The following RARRES1 variants were observed in gnomAD, a reference collection of about 807,000 sequenced individuals.
The protein encoded by RARRES1 is retinoic acid receptor responder protein 1.
In RARRES1, 34 loss-of-function variants were observed where a neutral mutation model predicts 30.6. The ratio of observed to expected loss-of-function variants is 1.11; its 90% CI spans 0.84 to 1.48. The LOEUF is 1.48. Ranked by LOEUF, RARRES1 falls within the 40% of genes most tolerant of loss-of-function variation. The pLI, the probability that RARRES1 is intolerant of heterozygous loss-of-function variation, is 0.00. For missense variants in RARRES1, 373 were observed against 386.5 expected (o/e 0.97, Z 0.29); for synonymous variants, 153 against 155.5 (o/e 0.98, Z 0.12).
chr3:158,732,371 G>C lies in RARRES1; in HGVS notation c.45C>G (p.Pro15=), dbSNP rs574311595. ...GCGGGGCGGTGGGGCGCGGGCCCCT[G>C]GGCCCGGACCAGGGAGCAGGCAGCC... The part of the protein sequence containing the change: ...RQRLPAPWSG[P]RGPRPTAPLL... The change falls in exon 1 of 6, where the codon CCC becomes CCG. Residue 15 remains proline, a synonymous_variant. Coordinates refer to ENST00000237696, the MANE Select transcript of RARRES1 (RefSeq NM_206963.2). 6.7e-7 allele frequency: 1 copy of C among 1,486,006 alleles called. No homozygotes were observed. The highest frequency in any genetic ancestry group is 2.2e-5 in the Admixed American group (1 of 45,182). The allele number at this position is 1,486,006 out of a possible 1,614,324, so 92.1% of individuals were successfully genotyped here. A position where few individuals can be genotyped will look rare whatever the true frequency, so the allele number is the denominator to read the frequency against.
chr3:158,714,859 T>A (rs1257013733), intron 1 of RARRES1, among the ~76,000 whole-genome samples: 2 of 152,250 alleles, frequency 1.3e-5, no homozygotes, highest in African/African-American at 4.8e-5. Flanking sequence ...CTTTGCATCT[T>A]AGCGTAGCAA....
chr3:158,713,671 A>G lies in RARRES1; in HGVS notation c.339+126T>C, dbSNP rs557235124. 1.4e-5 allele frequency: 12 copies of G among 883,096 alleles called. No individual in the cohort carries two copies. In the South Asian group the frequency reaches 1.6e-4, roughly 11 times the overall value. The allele number at this position is 883,096 out of a possible 1,614,324, so 54.7% of individuals were successfully genotyped here. On this transcript the variant is annotated intron_variant, in intron 2 of 5. Transcript: ENST00000237696. ...TGTTCTTTAGTTCTTGATAACAAAT[A>G]GGAAACAGATCAGGAAAAAACAAAA...
At chr3:158,724,389 G>T (rs1401662720) in intron 1 of RARRES1, among the ~76,000 whole-genome samples, 1 of 152,186 alleles carries the variant, frequency 6.6e-6, no homozygotes, top group Non-Finnish European at 1.5e-5. Flanking sequence ...CTTGAGATGG[G>T]ATTATCCTGG....
chr3:158,725,946 G>A (rs1727670491), intron 1 of RARRES1, among the ~76,000 whole-genome samples: 1 of 152,186 alleles, frequency 6.6e-6, no homozygotes, highest in South Asian at 2.1e-4. Flanking sequence ...TTTCAGAATT[G>A]TTATGTTTCA....
At chr3:158,701,874 G>A (rs1189694370) in intron 4 of RARRES1, among the ~76,000 whole-genome samples, 2 of 151,364 alleles carry the variant, frequency 1.3e-5, no homozygotes, top group African/African-American at 4.8e-5. Flanking sequence ...CCGTTTGTGA[G>A]TCCTCATTTA....
At chr3:158,724,842 T>C (rs1053709854) in intron 1 of RARRES1, among the ~76,000 whole-genome samples, 1 of 151,852 alleles carries the variant, frequency 6.6e-6, no homozygotes, top group African/African-American at 2.4e-5. Flanking sequence ...TTTTTTTTTT[T>C]CCAGACAGGG....
intron 4 of RARRES1, among the ~76,000 whole-genome samples, chr3:158,703,323 T>C (rs547158036): frequency 6.6e-6 from 1 of 152,284 alleles, no homozygotes; most frequent in East Asian, 1.9e-4. Flanking sequence ...ATAGTAACTC[T>C]AACAACTTTT....
intron 1 of RARRES1, among the ~76,000 whole-genome samples, chr3:158,717,488 G>A (rs1330131933): frequency 2.6e-5 from 4 of 152,230 alleles, no homozygotes; most frequent in African/African-American, 9.6e-5. Context: ...GAGGAGAGCT[G>A]GCAAGGGCCT....
intron 4 of RARRES1, among the ~76,000 whole-genome samples, chr3:158,704,227 T>A (rs2108132292): frequency 8.5e-6 from 1 of 117,170 alleles, no homozygotes; most frequent in Middle Eastern, 4.1e-3. Flanking sequence ...TTTTTTTTTT[T>A]TTTTTTTTTT....
intron 1 of RARRES1, among the ~76,000 whole-genome samples, chr3:158,729,541 C>T (rs926964282): frequency 2.6e-5 from 4 of 152,006 alleles, no homozygotes; most frequent in African/African-American, 9.7e-5. Flanking sequence ...ACCTCTGCCT[C>T]CCGGGTTCAA....
chr3:158,724,907 G>A (rs1319488000), intron 1 of RARRES1, among the ~76,000 whole-genome samples: 1 of 151,804 alleles, frequency 6.6e-6, no homozygotes, highest in South Asian at 2.1e-4. Context: ...GCTCACTGCA[G>A]CCTCAACTTT....
intron 1 of RARRES1, among the ~76,000 whole-genome samples, 166 bp downstream of exon 1, chr3:158,731,974 C>T (rs966049583): frequency 6.6e-6 from 1 of 152,208 alleles, no homozygotes; most frequent in Admixed American, 6.5e-5. Context: ...CCCTGGGATA[C>T]TTCAGGGGCG....
rs79659233 is a variant in RARRES1, at chr3:158,723,725, C to T, written c.276+8415G>A. 5.3e-3 allele frequency among the ~76,000 whole-genome samples: 809 copies of T among 152,276 alleles called. 19 individuals carry two copies. In the East Asian group the frequency reaches 0.071, roughly 13 times the overall value. On this transcript the variant is annotated intron_variant, in intron 1 of 5. Transcript: ENST00000237696. This position sits in a 1 kb window ranked among gnomAD's most constrained non-coding sequence, Gnocchi z 4.4. The stretch of plus-strand genomic sequence containing the variant: ...AGTGGCCAGAGGCAGCTGCCCCCTC[C>T]AGGTCCCCTCTGGCCTCAGGTGGGG...
At chr3:158,698,130 T>C in intron 4 of RARRES1, 160 bp from the exon 5 acceptor site, 1 of 586,160 alleles carries the variant, frequency 1.7e-6, no homozygotes, top group Non-Finnish European at 3.1e-6. Flanking sequence ...GATATGGAAG[T>C]CATGGATCCT....
chr3:158,709,901 T>A (rs1306111102), intron 3 of RARRES1, among the ~76,000 whole-genome samples: 3 of 152,244 alleles, frequency 2.0e-5, no homozygotes, highest in African/African-American at 7.2e-5. Flanking sequence ...GGCTCCTTTG[T>A]TGGAGACAGC....
rs144278493 is a variant in RARRES1 at position 158,723,692 on chromosome 3, C to T, written c.276+8448G>A. 2.8e-4 allele frequency among the ~76,000 whole-genome samples: 43 copies of T among 152,272 alleles called. 1 individual carries two copies. In the East Asian group the frequency reaches 5.6e-3, roughly 20 times the overall value. On this transcript the variant is annotated intron_variant, in intron 1 of 5. Transcript: ENST00000237696. This position sits in a 1 kb window ranked among gnomAD's most constrained non-coding sequence, Gnocchi z 4.4. Reference sequence around the variant, plus strand: ...CACGTTCTTGATTTGGGGTAGGAAGCGAGTGGAAGTGGCCAGAGGCAGCTG... The same window carrying T: ...CACGTTCTTGATTTGGGGTAGGAAGTGAGTGGAAGTGGCCAGAGGCAGCTG...
intron 3 of RARRES1, 77 bp from the exon 4 acceptor site, chr3:158,705,004 G>C: frequency 1.3e-6 from 2 of 1,539,832 alleles, no homozygotes; most frequent in Non-Finnish European, 1.7e-6. Flanking sequence ...AAATGAAATA[G>C]GGTTTAAACT....
At chr3:158,711,620 T>A (rs1193936797) in intron 2 of RARRES1, among the ~76,000 whole-genome samples, 1 of 150,870 alleles carries the variant, frequency 6.6e-6, no homozygotes, top group Non-Finnish European at 1.5e-5. Context: ...TTTTTTTTTT[T>A]TGAGATGGAG....
intron 1 of RARRES1, among the ~76,000 whole-genome samples, chr3:158,716,870 C>T (rs1012841512): frequency 1.3e-5 from 2 of 152,234 alleles, no homozygotes; most frequent in Non-Finnish European, 2.9e-5. Context: ...AGGCGTGACT[C>T]ACTGCGCCTG....
Sources: gnomAD v4.1 joint callset for allele counts (sites outside exome capture counted in the v4.1 genomes callset) on GRCh38, gnomAD v4.1.1 for gene constraint, Gnocchi (gnomAD v3.1) non-coding constraint, MANE v1.5 for transcripts, NCBI Gene and HGNC (gene_info 2026-07-23, HGNC 2026-07-21) for gene names.